KIAA1328: variants seen among roughly 807,000 people sequenced by gnomAD.
KIAA1328 encodes the protein KIAA1328, also known as protein hinderin.
In KIAA1328, 52 loss-of-function variants were observed where a neutral mutation model predicts 68.1. That is an observed-to-expected ratio of 0.76 (90% CI 0.61 to 0.96). The LOEUF is 0.96. Among genes scored for constraint, KIAA1328 ranks in the 40% least tolerant of loss-of-function variants. The pLI, the probability that KIAA1328 is intolerant of heterozygous loss-of-function variation, is 0.00. For missense variants in KIAA1328, 641 were observed against 677.6 expected (o/e 0.95, Z 0.60); for synonymous variants, 232 against 239.4 (o/e 0.97, Z 0.28).
At chr18:36,829,781 T>C (rs1433406407) in intron 1 of KIAA1328, among the ~76,000 whole-genome samples, 2 of 152,144 alleles carry the variant, frequency 1.3e-5, no homozygotes, top group Non-Finnish European at 2.9e-5. Flanking sequence ...ATGGGAATCA[T>C]TGTGCCTGGA....
In KIAA1328 at chr18:36,829,186, G is replaced by C. The variant is rs2150736971; in HGVS notation, c.48G>C (p.Trp16Cys). Residue 16 changes from tryptophan (W) to cysteine (C), a missense_variant, in exon 1 of 10, where the codon TGG becomes TGC. Coordinates refer to ENST00000280020, the MANE Select transcript of KIAA1328 (RefSeq NM_020776.3). ...CCCGCCCCAGTGCCGCGGCGTTCTG[G>C]AGCCGGGACTGTATCCTTTGCCCGC... ...GPSRPSAAAF[W>C]SRDFSDEEQS... 6.5e-7 allele frequency: 1 copy of C among 1,532,498 alleles called. No homozygotes were observed. The highest frequency in any genetic ancestry group is 2.5e-5 in the East Asian group (1 of 39,428). The allele number at this position is 1,532,498 out of a possible 1,614,324, so 94.9% of individuals were successfully genotyped here.
At chr18:36,853,992 C>T (rs1007382741) in intron 4 of KIAA1328, among the ~76,000 whole-genome samples, 2 of 152,128 alleles carry the variant, frequency 1.3e-5, no homozygotes, top group Non-Finnish European at 2.9e-5. Context: ...ATTGTGTCCT[C>T]CCTAAATTCA....
intron 7 of KIAA1328, among the ~76,000 whole-genome samples, chr18:37,072,704 A>G (rs1459438075): frequency 1.3e-5 from 2 of 152,138 alleles, no homozygotes; most frequent in Admixed American, 1.3e-4. Context: ...GGTTTATTAC[A>G]TAGGTATACG....
chr18:37,129,879 G>A (rs1346593500), intron 7 of KIAA1328, among the ~76,000 whole-genome samples: 1 of 152,130 alleles, frequency 6.6e-6, no homozygotes, highest in African/African-American at 2.4e-5. Context: ...AAGGAAGTGT[G>A]GAGAACGAAT....
At chr18:37,027,747 C>A (rs2054646187) in intron 6 of KIAA1328, among the ~76,000 whole-genome samples, 1 of 151,992 alleles carries the variant, frequency 6.6e-6, no homozygotes, top group South Asian at 2.1e-4. Context: ...ACATGTTAGA[C>A]CTAAAACCAT....
At chr18:37,083,869 CTATAAT>C (rs1459986157) in intron 7 of KIAA1328, among the ~76,000 whole-genome samples, 4 of 152,112 alleles carry the variant, frequency 2.6e-5, no homozygotes, top group African/African-American at 9.7e-5. Flanking sequence ...ATTGAAGTAT[CTATAAT>C]TTTGAATTTT....
At position 37,173,001 on chromosome 18, in the gene KIAA1328, G is replaced by A. The variant is rs769219122; in HGVS notation, c.1443G>A (p.Ala481=). The A allele has an allele frequency of 1.2e-5, 20 of 1,613,052 alleles. No individual in the cohort carries two copies. Among genetic ancestry groups the A allele is most frequent in the Non-Finnish European group, 1.6e-5 (19 of 1,179,416 alleles). The change falls in exon 9 of 10, where the codon GCG becomes GCA. Residue 481 remains alanine, a synonymous_variant. Transcript: ENST00000280020. Reference sequence around the variant, plus strand: ...CAGTGACAGGAGTTAGAAAAGATGCGTCTACATCTCCTATGCCAACAGGAA... The same window carrying A: ...CAGTGACAGGAGTTAGAAAAGATGCATCTACATCTCCTATGCCAACAGGAA... The part of the protein sequence containing the change: ...RGTVTGVRKD[A]STSPMPTGSL...
chr18:37,148,964 G>A (rs1483251831), intron 7 of KIAA1328, among the ~76,000 whole-genome samples: 2 of 151,940 alleles, frequency 1.3e-5, no homozygotes, highest in Non-Finnish European at 2.9e-5. Context: ...CAGAAGCTCT[G>A]ATAGAAAGAA....
intron 6 of KIAA1328, among the ~76,000 whole-genome samples, chr18:37,022,749 T>G (rs2054396122): frequency 6.6e-6 from 1 of 152,162 alleles, no homozygotes; most frequent in Non-Finnish European, 1.5e-5. Flanking sequence ...AATCTGAAAA[T>G]AAGAACTAGA....
At chr18:36,994,936 C>T (rs569129088) in intron 6 of KIAA1328, among the ~76,000 whole-genome samples, 43 of 104,868 alleles carry the variant, frequency 4.1e-4, no homozygotes, top group South Asian at 2.4e-3. Context: ...AATTCATTCA[C>T]CCACTATTTA....
chr18:37,107,104 T>C (rs1032966747), intron 7 of KIAA1328, among the ~76,000 whole-genome samples: 8 of 152,112 alleles, frequency 5.3e-5, no homozygotes, highest in Non-Finnish European at 1.2e-4. Context: ...ATACCAGGCA[T>C]GGTGGTGCAC....
chr18:36,998,646 C>T (rs2053482047), intron 6 of KIAA1328, among the ~76,000 whole-genome samples: 2 of 152,132 alleles, frequency 1.3e-5, no homozygotes, highest in African/African-American at 4.8e-5. Flanking sequence ...CCCCCTAGCC[C>T]CTAAGGAAAT....
chr18:36,858,476 T>C (rs2047451836), intron 4 of KIAA1328, among the ~76,000 whole-genome samples: 1 of 152,118 alleles, frequency 6.6e-6, no homozygotes. Flanking sequence ...TATATAACTA[T>C]AATATATTTA....
intron 6 of KIAA1328, among the ~76,000 whole-genome samples, chr18:37,030,111 A>AT (rs896749901): frequency 2.0e-4 from 31 of 151,432 alleles, no homozygotes; most frequent in East Asian, 3.9e-4. Context: ...AATTTCATTG[A>AT]TTTTTTTTAA....
intron 5 of KIAA1328, among the ~76,000 whole-genome samples, chr18:36,939,012 G>C (rs1319046617): frequency 6.6e-6 from 1 of 152,138 alleles, no homozygotes; most frequent in African/African-American, 2.4e-5. Flanking sequence ...TAGATTCGAA[G>C]TCATACAGTG....
chr18:36,848,954 T>C (rs758795825), intron 4 of KIAA1328, among the ~76,000 whole-genome samples: 16 of 151,868 alleles, frequency 1.1e-4, no homozygotes, highest in African/African-American at 3.9e-4. Context: ...CTCTGTTGAA[T>C]TGATTACCTG....
chr18:37,036,368 A>G (rs916521453), intron 6 of KIAA1328, among the ~76,000 whole-genome samples: 2 of 152,248 alleles, frequency 1.3e-5, no homozygotes. Flanking sequence ...AAACCACTCT[A>G]TCATTAGGAC....
At chr18:37,070,576 A>ATT (rs1181652398) in intron 7 of KIAA1328, among the ~76,000 whole-genome samples, 4 of 139,562 alleles carry the variant, frequency 2.9e-5, no homozygotes, top group Non-Finnish European at 3.1e-5. Context: ...GTCCCCAGTA[A>ATT]TTTTTTTTTT....
At chr18:36,984,199 C>T (rs528370777) in intron 6 of KIAA1328, among the ~76,000 whole-genome samples, 8 of 152,192 alleles carry the variant, frequency 5.3e-5, no homozygotes, top group African/African-American at 1.9e-4. Flanking sequence ...TCAGGAACAA[C>T]GCAAGGATAT....
Sources: allele counts gnomAD v4.1 joint callset (sites outside exome capture counted in the v4.1 genomes callset), GRCh38; gene constraint gnomAD v4.1.1; transcripts MANE v1.5; gene names NCBI Gene and HGNC (gene_info 2026-07-23, HGNC 2026-07-21).